PKNOX2: variants seen among roughly 807,000 people sequenced by gnomAD.
PKNOX2 encodes the protein PBX/knotted 1 homeobox 2.
Under a neutral mutation model 53.1 loss-of-function variants are expected in PKNOX2, and 14 were observed. The observed-to-expected ratio is 0.26, with a 90% confidence interval of 0.17 to 0.41. The LOEUF (loss-of-function observed/expected upper bound fraction) is 0.41, where lower values mean the gene tolerates loss of function less well. Among genes scored for constraint, PKNOX2 ranks in the 10% least tolerant of loss-of-function variants. The pLI is 1.00. For synonymous variants in PKNOX2, 257 were observed against 242.8 expected (o/e 1.06, Z -0.54); for missense variants, 496 against 602.8 (o/e 0.82, Z 1.85).
chr11:125,375,537 G>A (rs59974467), intron 5 of PKNOX2, among the ~76,000 whole-genome samples: 12,326 of 152,238 alleles, frequency 0.081, 1,351 homozygotes, highest in African/African-American at 0.25. Flanking sequence ...GCCTGATGCG[G>A]TCATTTAACC....
intron 6 of PKNOX2, among the ~76,000 whole-genome samples, chr11:125,393,174 A>G (rs1036064105): frequency 1.7e-4 from 25 of 151,062 alleles, no homozygotes; most frequent in South Asian, 4.2e-4. Context: ...AAAAAAAAAA[A>G]AGAGAGAAGA....
At chr11:125,342,607 T>C (rs1950752937) in intron 3 of PKNOX2, among the ~76,000 whole-genome samples, 1 of 152,182 alleles carries the variant, frequency 6.6e-6, no homozygotes, top group South Asian at 2.1e-4. Context: ...GCCCGGCCTG[T>C]GTTGTTTTCT....
intron 2 of PKNOX2, among the ~76,000 whole-genome samples, chr11:125,284,738 T>C (rs1167838073): frequency 6.6e-6 from 1 of 152,112 alleles, no homozygotes; most frequent in African/African-American, 2.4e-5. Flanking sequence ...CTGGAATCAA[T>C]TTAGCTTAGG....
chr11:125,175,810 G>A lies in PKNOX2; in HGVS notation c.-201+11034G>A, dbSNP rs116015273. Reference sequence around the variant, plus strand: ...CAATAACACCTACTGTCGGGGCTGTGGGGAAGATGGGAAGATTAAGTGAGG... The same window carrying A: ...CAATAACACCTACTGTCGGGGCTGTAGGGAAGATGGGAAGATTAAGTGAGG... On this transcript the variant is annotated intron_variant, in intron 1 of 12. Coordinates refer to ENST00000298282, the MANE Select transcript of PKNOX2 (RefSeq NM_001382323.2). Among the ~76,000 whole-genome samples, 1,369 of 152,276 alleles carry A rather than the reference G, an allele frequency of 9.0e-3. 23 individuals carry two copies. Among genetic ancestry groups the A allele is most frequent in the African/African-American group, 0.031 (1,285 of 41,540 alleles).
intron 2 of PKNOX2, among the ~76,000 whole-genome samples, chr11:125,277,150 C>T (rs536154969): frequency 9.2e-5 from 14 of 152,282 alleles, no homozygotes; most frequent in African/African-American, 2.6e-4. Context: ...TGGCAATGTA[C>T]ATTTTGTGGG....
intron 6 of PKNOX2, among the ~76,000 whole-genome samples, chr11:125,386,718 A>ACACACACACACACACACACG (rs1953661519): frequency 6.9e-6 from 1 of 145,118 alleles, no homozygotes; most frequent in African/African-American, 2.7e-5. Flanking sequence ...AAAAGAACAC[A>ACACACACACACACACACACG]CACACACACA....
chr11:125,327,348 G>A (rs779845590), intron 2 of PKNOX2, among the ~76,000 whole-genome samples: 4 of 152,190 alleles, frequency 2.6e-5, no homozygotes, highest in Non-Finnish European at 5.9e-5. Flanking sequence ...TGGGGAGGTC[G>A]TGAGGACAGA....
Position 125,193,435 on chromosome 11 carries a change from G to C in PKNOX2, c.-201+28659G>C, listed in dbSNP as rs1372289457. Among the ~76,000 whole-genome samples, 4 of 152,166 alleles carry C rather than the reference G, an allele frequency of 2.6e-5. No individual in the cohort carries two copies. The East Asian group carries it at 7.7e-4, about 29-fold the overall frequency. On this transcript the variant is annotated intron_variant, in intron 1 of 12. Coordinates refer to ENST00000298282, the MANE Select transcript of PKNOX2 (RefSeq NM_001382323.2). ...AAGTTGAGGTTTTTTACTGTTTCAA[G>C]CTGCTAATTTTTCCATTTAAAGCGA...
At chr11:125,234,173 A>C (rs1016606693) in intron 1 of PKNOX2, among the ~76,000 whole-genome samples, 1 of 152,138 alleles carries the variant, frequency 6.6e-6, no homozygotes, top group Non-Finnish European at 1.5e-5. Flanking sequence ...AACTCCCTTG[A>C]GTGCCGCGAC....
chr11:125,247,544 C>T (rs943926128), intron 2 of PKNOX2, among the ~76,000 whole-genome samples: 1 of 152,196 alleles, frequency 6.6e-6, no homozygotes, highest in South Asian at 2.1e-4. Context: ...GCAGAGAATG[C>T]TGGGTTATTG....
At chr11:125,256,874 C>T (rs1300094454) in intron 2 of PKNOX2, among the ~76,000 whole-genome samples, 4 of 152,212 alleles carry the variant, frequency 2.6e-5, no homozygotes, top group African/African-American at 7.2e-5. Flanking sequence ...TCTGTCTCGG[C>T]TGCCAACATC....
chr11:125,222,597 G>A (rs1194121951), intron 1 of PKNOX2, among the ~76,000 whole-genome samples: 1 of 142,626 alleles, frequency 7.0e-6, no homozygotes, highest in African/African-American at 2.7e-5. Flanking sequence ...GTGTGTGTGT[G>A]TGTGTGTCTG....
At chr11:125,300,862 A>G (rs1477610825) in intron 2 of PKNOX2, among the ~76,000 whole-genome samples, 2 of 152,188 alleles carry the variant, frequency 1.3e-5, no homozygotes, top group African/African-American at 4.8e-5. Flanking sequence ...ACTACTTGGC[A>G]TGTTGCAGGC....
intron 1 of PKNOX2, among the ~76,000 whole-genome samples, chr11:125,220,135 T>A (rs866993739): frequency 3.5e-4 from 52 of 149,110 alleles, no homozygotes; most frequent in Admixed American, 6.0e-4. Context: ...AGGAAAAAAA[T>A]AACCCACCAA....
At chr11:125,360,965 G>A (rs1049100311) in intron 4 of PKNOX2, among the ~76,000 whole-genome samples, 5 of 152,182 alleles carry the variant, frequency 3.3e-5, no homozygotes, top group East Asian at 3.9e-4. Context: ...CCAGCACAGC[G>A]TGCTCTGTCC....
intron 2 of PKNOX2, among the ~76,000 whole-genome samples, chr11:125,313,895 C>T (rs1177794795): frequency 1.3e-5 from 2 of 152,108 alleles, no homozygotes; most frequent in Non-Finnish European, 1.5e-5. Flanking sequence ...TTGGAAAGTG[C>T]CGGGCTAAGA....
intron 1 of PKNOX2, among the ~76,000 whole-genome samples, chr11:125,186,029 A>G (rs926245909): frequency 2.0e-5 from 3 of 148,264 alleles, no homozygotes; most frequent in Non-Finnish European, 4.5e-5. Flanking sequence ...TCACATGCTG[A>G]CCAACATTTG....
At chr11:125,296,377 C>A (rs1591516962) in intron 2 of PKNOX2, among the ~76,000 whole-genome samples, 1 of 152,304 alleles carries the variant, frequency 6.6e-6, no homozygotes, top group South Asian at 2.1e-4. Context: ...TCACTCTGTT[C>A]CAGCTGCACT....
chr11:125,411,631 A>G, intron 9 of PKNOX2, 115 bp from the exon 10 acceptor site: 1 of 1,558,140 alleles, frequency 6.4e-7, no homozygotes, highest in Non-Finnish European at 8.8e-7. Context: ...CCAGGGCCCT[A>G]GGAATGAGCC....
Sources: gnomAD v4.1 joint callset for allele counts (sites outside exome capture counted in the v4.1 genomes callset) on GRCh38, gnomAD v4.1.1 for gene constraint, MANE v1.5 for transcripts, NCBI Gene and HGNC (gene_info 2026-07-23, HGNC 2026-07-21) for gene names.